The following YEATS2 variants were observed in gnomAD, a reference collection of about 807,000 sequenced individuals.
The protein encoded by YEATS2 is YEATS domain-containing protein 2.
A neutral mutation model predicts 163.2 loss-of-function variants in YEATS2; 77 were observed. The observed-to-expected ratio is 0.47, with a 90% CI of 0.39 to 0.57. The LOEUF is 0.57. YEATS2 is among the 20% of genes least tolerant of loss of function. YEATS2 has a pLI of 0.00. For missense variants in YEATS2, 1,549 were observed against 1,729.8 expected, an observed-to-expected ratio of 0.90 and a Z score of 1.85; for synonymous variants, 631 against 645.1, an observed-to-expected ratio of 0.98 and a Z score of 0.33.
chr3:183,724,016 A>G (rs556838429), intron 5 of YEATS2, among the ~76,000 whole-genome samples: 17 of 152,342 alleles, frequency 1.1e-4, no homozygotes, highest in South Asian at 2.1e-4. Flanking sequence ...AGCATTTACT[A>G]TGTACCAGGC....
At chr3:183,801,370 C>A in intron 24 of YEATS2, 85 bp from the exon 25 acceptor site, 2 of 867,792 alleles carry the variant, frequency 2.3e-6, no homozygotes, top group Non-Finnish European at 3.5e-6. Context: ...CGGAATATAT[C>A]CATTAAGTAC....
intron 15 of YEATS2, among the ~76,000 whole-genome samples, chr3:183,770,752 A>T (rs992168440): frequency 4.6e-5 from 7 of 152,208 alleles, no homozygotes; most frequent in Non-Finnish European, 1.0e-4. Context: ...CGTAAAAGAT[A>T]TTCCTACTTA....
chr3:183,698,511 G>A (rs1713725496), intron 1 of YEATS2, among the ~76,000 whole-genome samples: 1 of 152,226 alleles, frequency 6.6e-6, no homozygotes, highest in South Asian at 2.1e-4. Flanking sequence ...GGAAGCCTCG[G>A]AAAGTGAGGA....
At chr3:183,760,574 AG>A (rs1721245076) in intron 13 of YEATS2, among the ~76,000 whole-genome samples, 1 of 152,160 alleles carries the variant, frequency 6.6e-6, no homozygotes, top group Admixed American at 6.6e-5. Flanking sequence ...TGCCCGCCTC[AG>A]CCTCCCAAAG....
intron 1 of YEATS2, among the ~76,000 whole-genome samples, chr3:183,706,521 T>G (rs532315216): frequency 2.0e-5 from 3 of 152,146 alleles, no homozygotes; most frequent in Non-Finnish European, 4.4e-5. Flanking sequence ...TTTTTGCAAT[T>G]GGATATACAT....
At chr3:183,732,899 C>CA (rs1717955577) in intron 7 of YEATS2, among the ~76,000 whole-genome samples, 1 of 151,992 alleles carries the variant, frequency 6.6e-6, no homozygotes, top group African/African-American at 2.4e-5. Flanking sequence ...CTTGCTCTGG[C>CA]ACCCAGGTGG....
chr3:183,791,987 G>C (rs924955225), intron 21 of YEATS2, among the ~76,000 whole-genome samples: 1 of 152,184 alleles, frequency 6.6e-6, no homozygotes, highest in African/African-American at 2.4e-5. Context: ...TAATATATCA[G>C]TGCTTAGAAT....
rs551491553 is a variant in YEATS2, at chr3:183,750,615, G to A, written c.970-1458G>A. On this transcript the variant is annotated intron_variant, in intron 9 of 30. Transcript: ENST00000305135. ...AATTTTTTTTGTATTTTAATTTATA[G>A]TAGTTATTCTGTTGTTTGTGATGTG... 1.5e-4 allele frequency among the ~76,000 whole-genome samples: 23 copies of A among 152,234 alleles called. No individual in the cohort carries two copies. The South Asian group carries it at 4.6e-3, about 30-fold the overall frequency.
In YEATS2 at chr3:183,740,360, T is replaced by G. The variant is rs1332008156; in HGVS notation, c.924+3531T>G. Among the ~76,000 whole-genome samples the G allele has an allele frequency of 2.0e-5, 3 of 152,290 alleles. No individual in the cohort carries two copies. In the East Asian group the frequency reaches 5.8e-4, roughly 29 times the overall value. Reference sequence around the variant, plus strand: ...CAAAAAACACATGAAAAAATGTTCATCATCACTGGTCATCAGAGAAATGCA... The same window carrying G: ...CAAAAAACACATGAAAAAATGTTCAGCATCACTGGTCATCAGAGAAATGCA... On this transcript the variant is annotated intron_variant, in intron 8 of 30. Coordinates refer to ENST00000305135, the MANE Select transcript of YEATS2 (RefSeq NM_018023.5).
intron 20 of YEATS2, among the ~76,000 whole-genome samples, chr3:183,788,341 C>G (rs1315986119): frequency 6.6e-6 from 1 of 152,076 alleles, no homozygotes; most frequent in Non-Finnish European, 1.5e-5. Context: ...CCATTCTTCT[C>G]TCTGTCTTCA....
rs1259268818 is a variant in YEATS2, at chr3:183,775,901, C to A, written c.2369-14C>A. ...TACTTTTTATGATGTTGCTGTCATT[C>A]ATTGTATTTTTAGATCTCCAGTCTG... is the stretch of plus-strand genomic sequence containing the variant. On this transcript the variant is annotated splice_polypyrimidine_tract_variant and intron_variant, in intron 17 of 30. Coordinates refer to ENST00000305135, the MANE Select transcript of YEATS2 (RefSeq NM_018023.5). The A allele has an allele frequency of 3.7e-6, 6 of 1,611,520 alleles. No individual in the cohort carries two copies. Among genetic ancestry groups the A allele is most frequent in the Middle Eastern group, 2.1e-4 (1 of 4,740 alleles).
Position 183,801,214 on chromosome 3 carries a change from T to C in YEATS2, c.3429-241T>C, listed in dbSNP as rs1344752185. On this transcript the variant is annotated intron_variant, in intron 24 of 30. Transcript: ENST00000305135. The stretch of plus-strand genomic sequence containing the variant: ...AATTTTAAGGTGTAGATTAAATGTC[T>C]GTAATATGTGCATAATCTTCCATTC... 12 of 370,540 alleles carry C rather than the reference T, an allele frequency of 3.2e-5. No homozygotes were observed. In the Middle Eastern group the frequency reaches 2.3e-3, roughly 70 times the overall value. The allele number at this position is 370,540 out of a possible 1,614,324, so 23.0% of individuals were successfully genotyped here. A position where few individuals can be genotyped will look rare whatever the true frequency, so the allele number is the denominator to read the frequency against.
chr3:183,721,411 T>C (rs1716477594), intron 4 of YEATS2, among the ~76,000 whole-genome samples: 1 of 152,228 alleles, frequency 6.6e-6, no homozygotes, highest in Non-Finnish European at 1.5e-5. Flanking sequence ...CATAGATGTC[T>C]ATACTGAACT....
intron 4 of YEATS2, 21 bp downstream of exon 4, chr3:183,718,613 G>A: frequency 6.4e-7 from 1 of 1,568,562 alleles, no homozygotes; most frequent in East Asian, 2.3e-5. Context: ...CTCATACCCA[G>A]TCATTTTCCA....
Position 183,809,179 on chromosome 3 carries a change from A to G in YEATS2, c.4160+9A>G, listed in dbSNP as rs753593053. The G allele has an allele frequency of 2.1e-5, 34 of 1,613,674 alleles. 1 individual carries two copies. In the South Asian group the frequency reaches 3.1e-4, roughly 15 times the overall value. ...ACAGCTTCTCACAACAGGTATTACT[A>G]TCTCTGCAGTCTGTGGTGTGAGGCT... On this transcript the variant is annotated intron_variant, in intron 30 of 30. Coordinates refer to ENST00000305135, the MANE Select transcript of YEATS2 (RefSeq NM_018023.5).
Position 183,775,896 on chromosome 3 carries a change from T to C in YEATS2, c.2369-19T>C, listed in dbSNP as rs1218518221. ...CTTGATACTTTTTATGATGTTGCTGTCATTCATTGTATTTTTAGATCTCCA... is the reference window on the plus strand; with the variant it reads ...CTTGATACTTTTTATGATGTTGCTGCCATTCATTGTATTTTTAGATCTCCA... On this transcript the variant is annotated intron_variant, in intron 17 of 30. Transcript: ENST00000305135. The C allele has an allele frequency of 2.5e-6, 4 of 1,611,290 alleles. No individual in the cohort carries two copies. In the South Asian group the frequency reaches 3.3e-5, roughly 13 times the overall value.
chr3:183,710,681 A>G (rs533664181), intron 1 of YEATS2, among the ~76,000 whole-genome samples: 4 of 152,008 alleles, frequency 2.6e-5, no homozygotes, highest in Admixed American at 6.6e-5. Flanking sequence ...TTTTACACCA[A>G]AAGTCAAAGA....
chr3:183,781,579 T>A (rs959848363), intron 19 of YEATS2, among the ~76,000 whole-genome samples: 2 of 152,194 alleles, frequency 1.3e-5, no homozygotes, highest in African/African-American at 4.8e-5. Flanking sequence ...ACAACAGTAC[T>A]TGATATTAAA....
At chr3:183,733,385 G>A (rs943954892) in intron 7 of YEATS2, among the ~76,000 whole-genome samples, 2 of 152,132 alleles carry the variant, frequency 1.3e-5, no homozygotes, top group African/African-American at 4.8e-5. Context: ...TGTCACTTGT[G>A]TGACTTTGTT....
Sources: allele counts gnomAD v4.1 joint callset (sites outside exome capture counted in the v4.1 genomes callset), GRCh38; gene constraint gnomAD v4.1.1; transcripts MANE v1.5; gene names NCBI Gene and HGNC (gene_info 2026-07-23, HGNC 2026-07-21).